The following PDE1C variants were observed in gnomAD, a reference collection of about 807,000 sequenced individuals.
PDE1C encodes phosphodiesterase 1C, also known as dual specificity calcium/calmodulin-dependent 3',5'-cyclic nucleotide phosphodiesterase 1C.
In PDE1C, 62 loss-of-function variants were observed where a neutral mutation model predicts 93.1. That is an observed-to-expected ratio of 0.67 (90% CI 0.54 to 0.82). The LOEUF (loss-of-function observed/expected upper bound fraction) is 0.82. Among genes scored for constraint, PDE1C ranks in the 40% least tolerant of loss-of-function variants. The pLI, the probability that PDE1C is intolerant of heterozygous loss-of-function variation, is 0.00. For synonymous variants in PDE1C, 325 were observed against 310.1 expected (o/e 1.05, Z -0.50); for missense variants, 742 against 884.6 (o/e 0.84, Z 2.04).
chr7:32,070,710 C>G, upstream of PDE1C: 1 of 1,191,820 alleles, frequency 8.4e-7, no homozygotes, highest in South Asian at 2.1e-5. Flanking sequence ...GAAAGCACCT[C>G]GGGTCTATTC....
intron 6 of PDE1C, among the ~76,000 whole-genome samples, chr7:31,867,459 C>T (rs1171518062): frequency 1.3e-5 from 2 of 152,154 alleles, no homozygotes; most frequent in African/African-American, 4.8e-5. Flanking sequence ...GAACTGAGTA[C>T]TCATCTCAAG....
chr7:32,382,292 A>G (rs1266708127), intron 1 of PDE1C, among the ~76,000 whole-genome samples: 2 of 152,134 alleles, frequency 1.3e-5, no homozygotes, highest in African/African-American at 2.4e-5. Flanking sequence ...AGCTGTATTC[A>G]TAGGGCTTCT....
At chr7:32,237,894 C>T (rs1221176105) in intron 1 of PDE1C, among the ~76,000 whole-genome samples, 3 of 151,086 alleles carry the variant, frequency 2.0e-5, no homozygotes, top group Admixed American at 1.3e-4. Context: ...CCTCAGCCTC[C>T]TGAGTAGCTG....
chr7:31,617,820 C>CTATT, the PDE1C span, among the ~76,000 whole-genome samples: 3 of 152,080 alleles, frequency 2.0e-5, no homozygotes, highest in Admixed American at 1.3e-4. Flanking sequence ...TATTTGGAGA[C>CTATT]TATTTAAGTT....
chr7:32,128,933 A>G (rs959546670), intron 3 of PDE1C, among the ~76,000 whole-genome samples: 7 of 97,024 alleles, frequency 7.2e-5, no homozygotes, highest in African/African-American at 3.1e-4. Context: ...ATATATATAT[A>G]TATATATATA....
intron 2 of PDE1C, among the ~76,000 whole-genome samples, chr7:32,006,234 C>T (rs901391989): frequency 5.3e-5 from 8 of 152,070 alleles, no homozygotes; most frequent in Non-Finnish European, 4.4e-5. Context: ...AACAGCTCTC[C>T]TCTTGTTTTT....
chr7:32,371,145 T>C lies in PDE1C; in HGVS notation c.310+56677A>G, dbSNP rs533422100. 2.6e-5 allele frequency among the ~76,000 whole-genome samples: 4 copies of C among 152,290 alleles called. 1 individual carries two copies. The highest frequency in any genetic ancestry group is 9.6e-5 in the African/African-American group (4 of 41,560). ...GGTTCTTTTTTTATTCTGTTTCCTC[T>C]GCCTTTAACACTGTCCTCTACCTAT... is the stretch of plus-strand genomic sequence containing the variant. On this transcript the variant is annotated intron_variant, in intron 1 of 1. Coordinates refer to the PDE1C transcript ENST00000672256.
intron 3 of PDE1C, among the ~76,000 whole-genome samples, chr7:32,152,085 C>A (rs1197311377): frequency 6.6e-6 from 1 of 152,188 alleles, no homozygotes; most frequent in Non-Finnish European, 1.5e-5. Context: ...TGAAGTCTTT[C>A]CTGGGCACAT....
chr7:32,201,513 G>T (rs544943059), intron 2 of PDE1C, among the ~76,000 whole-genome samples: 7 of 152,318 alleles, frequency 4.6e-5, no homozygotes, highest in African/African-American at 1.7e-4. Flanking sequence ...CTGCATTTAG[G>T]CAAATATAAG....
At chr7:31,940,706 T>C (rs1011203738) in intron 2 of PDE1C, among the ~76,000 whole-genome samples, 68 of 152,270 alleles carry the variant, frequency 4.5e-4, no homozygotes, top group African/African-American at 1.6e-3. Context: ...TATGTGCAGA[T>C]TGGTTCATCA....
chr7:31,651,768 T>G, the PDE1C span, among the ~76,000 whole-genome samples: 1 of 65,268 alleles, frequency 1.5e-5, no homozygotes, highest in Non-Finnish European at 3.1e-5. Flanking sequence ...AATAAAGTTG[T>G]TTTTTTTTTT....
At chr7:32,116,419 T>C (rs1798987434) in intron 3 of PDE1C, among the ~76,000 whole-genome samples, 1 of 152,144 alleles carries the variant, frequency 6.6e-6, no homozygotes, top group Admixed American at 6.5e-5. Flanking sequence ...GTGTCCTTAT[T>C]GCCTCTGATC....
rs34514936 is a variant in PDE1C at position 32,166,051 on chromosome 7, C to CA, written c.308+3733dup. 2.1e-3 allele frequency among the ~76,000 whole-genome samples: 295 copies of CA among 142,844 alleles called. 6 individuals are homozygous for CA. In the South Asian group the frequency reaches 0.045, roughly 22 times the overall value. 93.7% of individuals were successfully genotyped at this position (142,844 alleles called of 152,430 possible). A position where few individuals can be genotyped will look rare whatever the true frequency, so the allele number is the denominator to read the frequency against. On this transcript the variant is annotated intron_variant, in intron 3 of 18. Coordinates refer to the PDE1C transcript ENST00000396193. ...GTTAAGAAAACAGAGGTTTTGCCAC[C>CA]AAAAAAAAAAAAAGACATTATGTGA...
intron 1 of PDE1C, among the ~76,000 whole-genome samples, chr7:32,339,029 C>G (rs2128079308): frequency 6.6e-6 from 1 of 151,646 alleles, no homozygotes; most frequent in South Asian, 2.1e-4. Flanking sequence ...CACACACACA[C>G]ACACACACAC....
chr7:32,282,898 T>C (rs1811765604), intron 1 of PDE1C, among the ~76,000 whole-genome samples: 1 of 152,186 alleles, frequency 6.6e-6, no homozygotes, highest in African/African-American at 2.4e-5. Context: ...ATTTTTTACT[T>C]ATCAAGTTAT....
rs534007686 is a variant in PDE1C, at chr7:32,310,190, A to C, written c.311-100651T>G. On this transcript the variant is annotated intron_variant, in intron 1 of 1. Coordinates refer to the PDE1C transcript ENST00000672256. ...TAATGGTAAAGGGATCAATTCAACA[A>C]GAAGAGCTAACTATCCTAAATATAT... 7.0e-4 allele frequency among the ~76,000 whole-genome samples: 107 copies of C among 152,114 alleles called. 1 individual carries two copies. Among genetic ancestry groups the C allele is most frequent in the East Asian group, 5.2e-3 (27 of 5,176 alleles).
At chr7:32,064,039 G>A (rs1173293562) in intron 1 of PDE1C, among the ~76,000 whole-genome samples, 1 of 152,154 alleles carries the variant, frequency 6.6e-6, no homozygotes, top group Non-Finnish European at 1.5e-5. Flanking sequence ...AGAGTAAAAG[G>A]ACCAGTTAAT....
chr7:32,225,342 G>GCACA (rs34169470), intron 1 of PDE1C, among the ~76,000 whole-genome samples: 17,978 of 150,872 alleles, frequency 0.12, 1,140 homozygotes, highest in East Asian at 0.23. Flanking sequence ...CATTCAACAT[G>GCACA]CACACACACA....
At chr7:31,925,830 A>T (rs1803302131) in intron 2 of PDE1C, among the ~76,000 whole-genome samples, 1 of 152,188 alleles carries the variant, frequency 6.6e-6, no homozygotes, top group Non-Finnish European at 1.5e-5. Flanking sequence ...TAAAACTATG[A>T]ATTTTCCAAT....
Sources: gnomAD v4.1 joint callset for allele counts (sites outside exome capture counted in the v4.1 genomes callset) on GRCh38, gnomAD v4.1.1 for gene constraint, MANE v1.5 for transcripts, NCBI Gene and HGNC (gene_info 2026-07-23, HGNC 2026-07-21) for gene names.